PPFIA2: variants seen among roughly 807,000 people sequenced by gnomAD.
PPFIA2 encodes the protein PPFI scaffold protein A2, also known as liprin-alpha-2.
In PPFIA2, 46 loss-of-function variants were observed where a neutral mutation model predicts 175.5. The observed-to-expected ratio is 0.26, with a 90% CI of 0.21 to 0.34. PPFIA2 has a LOEUF of 0.34. Among genes scored for constraint, PPFIA2 ranks in the 10% least tolerant of loss-of-function variants. The pLI is 1.00. For synonymous variants in PPFIA2, 568 were observed against 511.4 expected (o/e 1.11, Z -1.49); for missense variants, 1,179 against 1,506.1 (o/e 0.78, Z 3.60).
At chr12:81,608,900 T>C (rs2060604961) in intron 4 of PPFIA2, among the ~76,000 whole-genome samples, 1 of 152,040 alleles carries the variant, frequency 6.6e-6, no homozygotes, top group Admixed American at 6.6e-5. Context: ...TAATTTGAAC[T>C]CTTTCTAACT....
chr12:81,275,004 T>C (rs2040157638), intron 28 of PPFIA2, among the ~76,000 whole-genome samples: 1 of 152,218 alleles, frequency 6.6e-6, no homozygotes, highest in South Asian at 2.1e-4. Context: ...GTGAAACATT[T>C]CACGTGGTGA....
chr12:81,705,855 G>A (rs1041087234), intron 3 of PPFIA2, among the ~76,000 whole-genome samples: 1 of 152,112 alleles, frequency 6.6e-6, no homozygotes, highest in Non-Finnish European at 1.5e-5. Flanking sequence ...GAAATCATTT[G>A]AGTCACACAT....
intron 4 of PPFIA2, among the ~76,000 whole-genome samples, chr12:81,638,682 C>CTATTTTTTTTT (rs2064454017): frequency 1.4e-5 from 1 of 72,684 alleles, no homozygotes; most frequent in Non-Finnish European, 2.4e-5. Flanking sequence ...CATAAATTTT[C>CTATTTTTTTTT]TTTTTTTTTT....
At chr12:81,511,494 A>C (rs887451930) in intron 4 of PPFIA2, among the ~76,000 whole-genome samples, 1 of 152,126 alleles carries the variant, frequency 6.6e-6, no homozygotes, top group Non-Finnish European at 1.5e-5. Context: ...AATATTTCAA[A>C]TAATAGTACA....
At chr12:81,306,451 A>G (rs1480630516) in intron 22 of PPFIA2, among the ~76,000 whole-genome samples, 2 of 151,872 alleles carry the variant, frequency 1.3e-5, no homozygotes, top group Non-Finnish European at 2.9e-5. Context: ...GTGTAATATG[A>G]TTACAAAAGT....
intron 4 of PPFIA2, among the ~76,000 whole-genome samples, chr12:81,531,748 T>A (rs926280037): frequency 1.3e-5 from 2 of 151,562 alleles, no homozygotes; most frequent in Admixed American, 1.3e-4. Context: ...AAAGATTATT[T>A]TATTTCTTTA....
chr12:81,272,686 T>C (rs1195334269), intron 28 of PPFIA2, among the ~76,000 whole-genome samples: 1 of 152,184 alleles, frequency 6.6e-6, no homozygotes, highest in African/African-American at 2.4e-5. Context: ...ATCTGACATG[T>C]CTGAATTTTT....
chr12:81,682,823 C>T (rs761845048), intron 3 of PPFIA2, among the ~76,000 whole-genome samples: 1 of 151,992 alleles, frequency 6.6e-6, no homozygotes, highest in East Asian at 1.9e-4. Context: ...CAATGACATC[C>T]TATCGTTCAA....
chr12:81,345,524 G>T (rs1351634862), intron 18 of PPFIA2, among the ~76,000 whole-genome samples: 2 of 151,478 alleles, frequency 1.3e-5, no homozygotes, highest in Non-Finnish European at 2.9e-5. Context: ...CACATCTAAA[G>T]GATTATAAAT....
chr12:81,405,712 G>T, intron 8 of PPFIA2, 75 bp downstream of exon 8: 2 of 847,574 alleles, frequency 2.4e-6, no homozygotes, highest in Non-Finnish European at 3.6e-6. Flanking sequence ...TGTTCATTAT[G>T]TGGTTTTTAT....
At chr12:81,312,290 C>G (rs573831797) in intron 22 of PPFIA2, 1 of 975,210 alleles carries the variant, frequency 1.0e-6, no homozygotes, top group African/African-American at 1.7e-5. Flanking sequence ...TGAGAAAGCT[C>G]AGGTATGAGA....
chr12:81,642,702 A>ACGTG lies in PPFIA2; in HGVS notation c.303+34088_303+34089insCACG, dbSNP rs1567687235. Reference sequence around the variant, plus strand: ...ATGTATCTATTATATACATACATGTATATGTATGTATGTATTATATACATA... The same window carrying ACGTG: ...ATGTATCTATTATATACATACATGTACGTGTATGTATGTATGTATTATATACATA... On this transcript the variant is annotated intron_variant, in intron 4 of 32. Transcript: ENST00000549396. Among the ~76,000 whole-genome samples the ACGTG allele has an allele frequency of 1.2e-3, 9 of 7,400 alleles. 4 individuals are homozygous for ACGTG. Among genetic ancestry groups the ACGTG allele is most frequent in the East Asian group, 7.6e-3 (4 of 528 alleles). 4.9% of individuals were successfully genotyped at this position (7,400 alleles called of 152,430 possible).
intron 3 of PPFIA2, among the ~76,000 whole-genome samples, chr12:81,712,339 G>A (rs748201738): frequency 9.9e-5 from 15 of 151,250 alleles, no homozygotes; most frequent in Non-Finnish European, 2.1e-4. Flanking sequence ...TTGATACAAA[G>A]TACTTAATAT....
intron 4 of PPFIA2, among the ~76,000 whole-genome samples, chr12:81,554,405 G>T (rs910010200): frequency 6.6e-6 from 1 of 151,952 alleles, no homozygotes; most frequent in African/African-American, 2.4e-5. Context: ...ACTGGGAACC[G>T]AAATGTCACT....
intron 4 of PPFIA2, among the ~76,000 whole-genome samples, chr12:81,505,066 C>T (rs1183336520): frequency 6.6e-6 from 1 of 152,022 alleles, no homozygotes. Context: ...ATGCATGTAG[C>T]AGTGGTACAT....
intron 20 of PPFIA2, 53 bp downstream of exon 20, chr12:81,341,025 G>A: frequency 1.3e-6 from 2 of 1,486,698 alleles, no homozygotes; most frequent in African/African-American, 1.4e-5. Flanking sequence ...GAAGGAAGAG[G>A]AATATTTTTG....
At chr12:81,576,321 G>A (rs2153421668) in intron 4 of PPFIA2, among the ~76,000 whole-genome samples, 1 of 151,856 alleles carries the variant, frequency 6.6e-6, no homozygotes, top group Admixed American at 6.6e-5. Context: ...AGACTGAAAA[G>A]CAGTCCAGAC....
chr12:81,377,599 T>C (rs2036674138), intron 9 of PPFIA2, among the ~76,000 whole-genome samples: 1 of 151,878 alleles, frequency 6.6e-6, no homozygotes, highest in Non-Finnish European at 1.5e-5. Context: ...ATGAAACTCA[T>C]CATGTTGTCC....
In PPFIA2 at chr12:81,754,264, G is replaced by C. The variant is rs751711968; in HGVS notation, c.-2-41C>G. 7.1e-6 allele frequency: 11 copies of C among 1,540,694 alleles called. No individual in the cohort carries two copies. The South Asian group carries it at 1.3e-4, about 18-fold the overall frequency. ...TGGGAAGGAGTCTTAGTAAAGAAAT[G>C]ATTTCCAATAATTTCATTTGGAGAG... On this transcript the variant is annotated intron_variant, in intron 2 of 32. Transcript: ENST00000549396.
Sources: allele counts gnomAD v4.1 joint callset (sites outside exome capture counted in the v4.1 genomes callset), GRCh38; gene constraint gnomAD v4.1.1; transcripts MANE v1.5; gene names NCBI Gene and HGNC (gene_info 2026-07-23, HGNC 2026-07-21).